The following ZNF212 variants were observed in gnomAD, a reference collection of about 807,000 sequenced individuals.
ZNF212 encodes the protein Zinc finger protein C2H2-150.
ZNF212 carries 32 observed loss-of-function variants against 47.3 expected under a neutral mutation model. The ratio of observed to expected loss-of-function variants is 0.68; its 90% confidence interval spans 0.51 to 0.91. The LOEUF (loss-of-function observed/expected upper bound fraction) is 0.91. ZNF212 is among the 40% of genes least tolerant of loss of function. The pLI is 0.00. For synonymous variants in ZNF212, 242 were observed against 253.8 expected (o/e 0.95, Z 0.44); for missense variants, 555 against 622.8 (o/e 0.89, Z 1.16).
intron 1 of ZNF212, among the ~76,000 whole-genome samples, chr7:149,244,965 A>C (rs954408273): frequency 3.3e-5 from 5 of 152,194 alleles, no homozygotes; most frequent in African/African-American, 1.2e-4. Context: ...GTCTTAAGCC[A>C]CTAAATTTGG....
chr7:149,245,014 T>C (rs560519333), intron 1 of ZNF212, among the ~76,000 whole-genome samples: 9 of 152,274 alleles, frequency 5.9e-5, no homozygotes, highest in Non-Finnish European at 8.8e-5. Context: ...TTGGAATAGA[T>C]ACCTAGGGAA....
chr7:149,253,411 G>T, intron 4 of ZNF212, 148 bp from the exon 5 acceptor site: 2 of 915,282 alleles, frequency 2.2e-6, no homozygotes, highest in Non-Finnish European at 1.6e-6. Context: ...TAGAAGTCTT[G>T]GAACCTAGCC....
chr7:149,252,894 T>TCATCTGG (rs1796779405), intron 4 of ZNF212, 99 bp downstream of exon 4: 1 of 1,150,890 alleles, frequency 8.7e-7, no homozygotes, highest in African/African-American at 1.5e-5. Context: ...CTTGGTGACC[T>TCATCTGG]CATCTGGCAT....
intron 1 of ZNF212, among the ~76,000 whole-genome samples, chr7:149,241,299 G>A (rs1456323494): frequency 1.3e-5 from 2 of 152,090 alleles, no homozygotes; most frequent in Non-Finnish European, 2.9e-5. Flanking sequence ...GGGCGTGGTG[G>A]CGGGTGCCTG....
intron 1 of ZNF212, among the ~76,000 whole-genome samples, chr7:149,246,813 CTTT>C (rs71194633): frequency 0.016 from 1,663 of 103,604 alleles, 37 homozygotes; most frequent in African/African-American, 0.058. Context: ...TGTCTGAATT[CTTT>C]TTTTTTTTTT....
intron 1 of ZNF212, 59 bp downstream of exon 1, chr7:149,239,861 CG>C: frequency 1.6e-6 from 2 of 1,259,932 alleles, no homozygotes; most frequent in South Asian, 3.2e-5. Flanking sequence ...AGTCCCCTGC[CG>C]GGGGCGGGGC....
intron 1 of ZNF212, among the ~76,000 whole-genome samples, chr7:149,245,357 CAG>C (rs1491351483): frequency 1.3e-5 from 1 of 79,850 alleles, no homozygotes; most frequent in Non-Finnish European, 2.5e-5. Flanking sequence ...GACTCCATCT[CAG>C]AAAAAAAAAA....
chr7:149,246,233 C>G (rs912724518), intron 1 of ZNF212, among the ~76,000 whole-genome samples: 1 of 152,146 alleles, frequency 6.6e-6, no homozygotes, highest in African/African-American at 2.4e-5. Context: ...CATTCTAAGA[C>G]GTGTTTATTG....
chr7:149,252,646 A>T, intron 3 of ZNF212, 60 bp from the exon 4 acceptor site: 1 of 1,508,772 alleles, frequency 6.6e-7, no homozygotes, highest in South Asian at 1.1e-5. Context: ...CTGGCAGCTG[A>T]TCAGTGTGCA....
At chr7:149,253,013 T>G (rs1796780724) in intron 4 of ZNF212, among the ~76,000 whole-genome samples, 1 of 152,196 alleles carries the variant, frequency 6.6e-6, no homozygotes, top group Admixed American at 6.5e-5. Context: ...TCAATCATTA[T>G]TCTTCATGCC....
chr7:149,248,434 A>G (rs561738334), intron 1 of ZNF212, among the ~76,000 whole-genome samples: 1 of 152,250 alleles, frequency 6.6e-6, no homozygotes, highest in Non-Finnish European at 1.5e-5. Flanking sequence ...AATTCAACCC[A>G]TAACACTGGA....
Position 149,254,638 on chromosome 7 carries a change from C to T in ZNF212, c.*223C>T. 1.6e-6 allele frequency: 1 copy of T among 614,330 alleles called. No homozygotes were observed. The highest frequency in any genetic ancestry group is 2.6e-6 in the Non-Finnish European group (1 of 382,560). 38.1% of individuals were successfully genotyped at this position (614,330 alleles called of 1,614,324 possible). On this transcript the variant is annotated 3_prime_UTR_variant, in exon 5 of 5. Coordinates refer to ENST00000335870, the MANE Select transcript of ZNF212 (RefSeq NM_012256.4). This position sits in a 1 kb window ranked among gnomAD's most constrained non-coding sequence, Gnocchi z 4.5. ...TGCCAAGTTTGCTGTTTCTTGGCACCTTCAGGTCTCTGGTTTTCTCATTCA... is the reference window on the plus strand; with the variant it reads ...TGCCAAGTTTGCTGTTTCTTGGCACTTTCAGGTCTCTGGTTTTCTCATTCA...
In ZNF212 at chr7:149,250,290, G is replaced by T. The variant is rs1796733685; in HGVS notation, c.156G>T (p.Glu52Asp). Residue 52 changes from glutamate to aspartate, a missense_variant, in exon 2 of 5, where the codon GAG (glutamate) becomes GAT (aspartate). By Grantham distance (45) the Glu-to-Asp change is conservative. Coordinates refer to ENST00000335870, the MANE Select transcript of ZNF212 (RefSeq NM_012256.4). Reference protein sequence around the residue: ...WTVVAAIQAVEKKMESQAARL... With the variant: ...WTVVAAIQAVDKKMESQAARL... Reference sequence around the variant, plus strand: ...TGGTGGCCGCTATTCAGGCTGTGGAGAAGAAGATGGAGTCCCAGGCTGCCC... The same window carrying T: ...TGGTGGCCGCTATTCAGGCTGTGGATAAGAAGATGGAGTCCCAGGCTGCCC... 6.2e-7 allele frequency: 1 copy of T among 1,613,862 alleles called. No homozygotes were observed. The highest frequency in any genetic ancestry group is 8.5e-7 in the Non-Finnish European group (1 of 1,179,944).
At chr7:149,240,796 G>A (rs1384237828) in intron 1 of ZNF212, among the ~76,000 whole-genome samples, 1 of 152,234 alleles carries the variant, frequency 6.6e-6, no homozygotes, top group South Asian at 2.1e-4. Context: ...GAGGGCTAAG[G>A]AAATTCTGTG....
chr7:149,250,585 G>A, intron 2 of ZNF212, 37 bp downstream of exon 2: 2 of 1,603,694 alleles, frequency 1.2e-6, no homozygotes, highest in Non-Finnish European at 1.7e-6. Context: ...GAAGAGAAGG[G>A]GGAGCCAGCC....
intron 1 of ZNF212, among the ~76,000 whole-genome samples, chr7:149,240,232 T>C (rs1466095289): frequency 6.6e-6 from 1 of 152,184 alleles, no homozygotes; most frequent in South Asian, 2.1e-4. Context: ...CGGTCCGATG[T>C]GTTGTCGGTT....
At position 149,253,592 on chromosome 7, in the gene ZNF212, A is replaced by G. The variant is rs1488018479; in HGVS notation, c.665A>G (p.Tyr222Cys). Residue 222 changes from tyrosine to cysteine, a missense_variant, in exon 5 of 5, where the codon TAT becomes TGT. Coordinates refer to ENST00000335870, the MANE Select transcript of ZNF212 (RefSeq NM_012256.4). ...GGVMIKQELQ[Y>C]TQEGPADLPG... ...GTCATGATCAAACAGGAGCTACAGT[A>G]TACACAGGAAGGCCCTGCGGATCTT... The G allele has an allele frequency of 2.5e-6, 4 of 1,609,274 alleles. No individual in the cohort carries two copies. Among genetic ancestry groups the G allele is most frequent in the Non-Finnish European group, 3.4e-6 (4 of 1,175,672 alleles).
chr7:149,246,596 C>T lies in ZNF212; in HGVS notation c.25-3563C>T, dbSNP rs754316122. On this transcript the variant is annotated intron_variant, in intron 1 of 4. Transcript: ENST00000335870. ...AGAGATGGGGTTTCACCATGTTAGC[C>T]AGGATGGTCTTGATCTCCTGACCTC... Among the ~76,000 whole-genome samples, 22 of 152,076 alleles carry T rather than the reference C, an allele frequency of 1.4e-4. 1 individual carries two copies. The highest frequency in any genetic ancestry group is 2.8e-4 in the Non-Finnish European group (19 of 68,018).
rs1054379204 is a variant in ZNF212, at chr7:149,254,110, G to A, written c.1183G>A (p.Gly395Arg). 3 of 1,613,378 alleles carry A rather than the reference G, an allele frequency of 1.9e-6. No homozygotes were observed. The highest frequency in any genetic ancestry group is 2.7e-5 in the African/African-American group (2 of 74,920). The part of the protein sequence containing the change: ...VTHQRCHLQE[G>R]PSAGQHVQER... ...CCATCAGCGTTGCCACCTGCAGGAG[G>A]GGCCCAGTGCCGGCCAGCATGTCCA... The change falls in exon 5 of 5, where the codon GGG becomes AGG. Residue 395 changes from glycine to arginine, a missense_variant. By Grantham distance (125) the Gly-to-Arg change is moderately radical. Coordinates refer to ENST00000335870, the MANE Select transcript of ZNF212 (RefSeq NM_012256.4). This position sits in a 1 kb window ranked among gnomAD's most constrained non-coding sequence, Gnocchi z 4.5.
Sources: allele counts gnomAD v4.1 joint callset (sites outside exome capture counted in the v4.1 genomes callset), GRCh38; gene constraint gnomAD v4.1.1; non-coding constraint Gnocchi (gnomAD v3.1); transcripts MANE v1.5; gene names NCBI Gene and HGNC (gene_info 2026-07-23, HGNC 2026-07-21).